Variants in RCBTB1 observed in about 807,000 individuals in gnomAD.
RCBTB1 encodes the protein RCC1 and BTB domain-containing protein 1.
RCBTB1 carries 46 observed loss-of-function variants against 62.4 expected under a neutral mutation model. The ratio of observed to expected loss-of-function variants is 0.74; its 90% CI spans 0.58 to 0.94. RCBTB1 has a LOEUF of 0.94. Ranked by LOEUF, RCBTB1 falls within the 40% of genes least tolerant of loss-of-function variation. The pLI is 0.00. For missense variants in RCBTB1, 565 were observed against 654.9 expected (o/e 0.86, Z 1.50); for synonymous variants, 222 against 245.8 (o/e 0.90, Z 0.91).
chr13:49,544,588 A>AC (rs933155846), intron 10 of RCBTB1, 149 bp downstream of exon 10: 1 of 562,566 alleles, frequency 1.8e-6, no homozygotes, highest in Non-Finnish European at 3.0e-6. Flanking sequence ...AAACTCTTTG[A>AC]CATGAAATGG....
chr13:49,553,641 T>C (rs1961584690), intron 6 of RCBTB1, among the ~76,000 whole-genome samples: 1 of 152,100 alleles, frequency 6.6e-6, no homozygotes, highest in South Asian at 2.1e-4. Context: ...AAACCCAAGA[T>C]TTGTGGTGGC....
intron 2 of RCBTB1, among the ~76,000 whole-genome samples, chr13:49,580,300 G>C (rs1246821981): frequency 6.6e-6 from 1 of 152,174 alleles, no homozygotes; most frequent in Admixed American, 6.5e-5. Flanking sequence ...GAAATGGATA[G>C]ATGGCTGGGT....
intron 2 of RCBTB1, among the ~76,000 whole-genome samples, chr13:49,571,390 C>CAAA (rs1963391287): frequency 6.6e-6 from 1 of 152,150 alleles, no homozygotes; most frequent in Non-Finnish European, 1.5e-5. Context: ...AAGCATTCCG[C>CAAA]AAAATGCTTC....
intron 5 of RCBTB1, among the ~76,000 whole-genome samples, chr13:49,557,976 T>C (rs1962078498): frequency 6.6e-6 from 1 of 152,138 alleles, no homozygotes; most frequent in African/African-American, 2.4e-5. Context: ...CAAACATCCA[T>C]GAACAGATGA....
chr13:49,541,876 A>G (rs1960390903), intron 10 of RCBTB1, 49 bp from the exon 11 acceptor site: 1 of 1,542,992 alleles, frequency 6.5e-7, no homozygotes, highest in Admixed American at 2.1e-5. Context: ...AATTTTTAAA[A>G]AAGAAAAAAA....
intron 8 of RCBTB1, among the ~76,000 whole-genome samples, chr13:49,550,789 C>T (rs981618186): frequency 1.3e-5 from 2 of 152,108 alleles, no homozygotes; most frequent in African/African-American, 4.8e-5. Flanking sequence ...CATGTTCATT[C>T]TGGCTACTAC....
In RCBTB1 at chr13:49,549,513, G is replaced by A. The variant is rs3751383; in HGVS notation, c.990C>T (p.Asp330=). The change falls in exon 9 of 13, where the codon GAC becomes GAT. Residue 330 remains aspartate, a synonymous_variant. Transcript: ENST00000378302. ...LPHLTHFSCT[D]DVFACFATPA... is the part of the protein sequence containing the mutation. ...GAGTGGCAAAGCAGGCAAACACGTC[G>A]TCGGTGCAGGAGAAGTGGGTGAGGT... The A allele has an allele frequency of 0.18, 282,412 of 1,612,872 alleles. 29,632 individuals are homozygous for A. The highest frequency in any genetic ancestry group is 0.44 in the African/African-American group (33,059 of 74,744).
chr13:49,551,576 G>C (rs1961345915), intron 7 of RCBTB1, 108 bp from the exon 8 acceptor site: 2 of 1,225,896 alleles, frequency 1.6e-6, no homozygotes, highest in East Asian at 4.9e-5. Context: ...ATCATCATCA[G>C]GGGTGGACTG....
At chr13:49,559,449 G>A (rs939639809) in intron 5 of RCBTB1, among the ~76,000 whole-genome samples, 8 of 152,142 alleles carry the variant, frequency 5.3e-5, no homozygotes, top group Non-Finnish European at 8.8e-5. Context: ...GAGGTCAGGA[G>A]ATCGAGACCA....
intron 9 of RCBTB1, among the ~76,000 whole-genome samples, chr13:49,547,436 C>T (rs28410026): frequency 7.0e-4 from 106 of 152,278 alleles, no homozygotes; most frequent in African/African-American, 2.6e-3. Context: ...TTTTCAAGCA[C>T]AGAGCATCAT....
At chr13:49,534,310 T>G in intron 12 of RCBTB1, 48 bp from the exon 13 acceptor site, 1 of 1,576,588 alleles carries the variant, frequency 6.3e-7, no homozygotes, top group Non-Finnish European at 8.7e-7. Flanking sequence ...TTTAGGCAAC[T>G]TTGATTGAAT....
At position 49,538,758 on chromosome 13, in the gene RCBTB1, T is replaced by TACAC. The variant is rs10640169; in HGVS notation, c.1455+2114_1455+2117dup. ...CATACAAATTATGAATATATATATA[T>TACAC]ACACACACACACACATATATATATA... On this transcript the variant is annotated intron_variant, in intron 12 of 12. Coordinates refer to ENST00000378302, the MANE Select transcript of RCBTB1 (RefSeq NM_018191.4). Among the ~76,000 whole-genome samples the TACAC allele has an allele frequency of 1.1e-3, 163 of 150,182 alleles. 1 individual carries two copies. Among genetic ancestry groups the TACAC allele is most frequent in the South Asian group, 1.9e-3 (9 of 4,756 alleles).
At chr13:49,554,057 G>C (rs1961632425) in intron 6 of RCBTB1, among the ~76,000 whole-genome samples, 1 of 152,188 alleles carries the variant, frequency 6.6e-6, no homozygotes, top group East Asian at 1.9e-4. Flanking sequence ...ATGATGGAAA[G>C]CCGCATAAAT....
In RCBTB1 at chr13:49,549,612, C is replaced by A. The variant is rs147327509; in HGVS notation, c.891G>T (p.Thr297=). 6.2e-7 allele frequency: 1 copy of A among 1,613,492 alleles called. No homozygotes were observed. The highest frequency in any genetic ancestry group is 8.5e-7 in the Non-Finnish European group (1 of 1,179,656). ...GCCCACCCTGCGTCTTGGCTGCAGA[C>A]GTGTGGGCAGAGTGACAGGCTGCAA... ...VEIAACHSAH[T]SAAKTQGGHV... is the part of the protein sequence containing the mutation. Residue 297 remains threonine, a synonymous_variant, in exon 9 of 13, where the codon ACG becomes ACT. Coordinates refer to ENST00000378302, the MANE Select transcript of RCBTB1 (RefSeq NM_018191.4).
chr13:49,565,092 C>G (rs544370892), intron 4 of RCBTB1, among the ~76,000 whole-genome samples: 14 of 152,300 alleles, frequency 9.2e-5, no homozygotes, highest in African/African-American at 3.4e-4. Flanking sequence ...CTGCTGCCAT[C>G]TCGGCTCACT....
At chr13:49,569,335 A>G (rs1468522079) in intron 2 of RCBTB1, among the ~76,000 whole-genome samples, 1 of 152,208 alleles carries the variant, frequency 6.6e-6, no homozygotes, top group Non-Finnish European at 1.5e-5. Flanking sequence ...GCACTATGGG[A>G]GCCCAAGCCG....
rs142805271 is a variant in RCBTB1 at position 49,567,465 on chromosome 13, C to T, written c.-41-145G>A. 631 of 610,952 alleles carry T rather than the reference C, an allele frequency of 1.0e-3. 5 individuals carry two copies. The African/African-American group carries it at 0.011, about 10-fold the overall frequency. The allele number at this position is 610,952 out of a possible 1,614,324, so 37.8% of individuals were successfully genotyped here. ...GTTACATGGATCACTCACTTTCCCC[C>T]AGCCATGTGTGCAATCCCTCCTCCA... On this transcript the variant is annotated intron_variant, in intron 2 of 12. Coordinates refer to ENST00000378302, the MANE Select transcript of RCBTB1 (RefSeq NM_018191.4).
chr13:49,541,738 T>A lies in RCBTB1; in HGVS notation c.1262A>T (p.Tyr421Phe), dbSNP rs146955596. The A allele has an allele frequency of 8.9e-5, 143 of 1,614,138 alleles. No individual in the cohort carries two copies. The highest frequency in any genetic ancestry group is 5.7e-4 in the Admixed American group (34 of 60,012). ...GTAGAGGTACTGGAGAAAGGCACGA[T>A]ACACTGGGTAAGAAAACTGATCGAT... is the stretch of plus-strand genomic sequence containing the variant. The part of the protein sequence containing the change: ...IEIDQFSYPV[Y>F]RAFLQYLYTD... The change falls in exon 11 of 13, where the codon TAT (tyrosine) becomes TTT (phenylalanine). Residue 421 changes from tyrosine (Y) to phenylalanine (F), a missense_variant. Tyr to Phe is a conservative substitution (Grantham distance 22, BLOSUM62 3). Coordinates refer to ENST00000378302, the MANE Select transcript of RCBTB1 (RefSeq NM_018191.4).
rs115834972 is a variant in RCBTB1 at position 49,584,099 on chromosome 13, T to C, written c.-122+1345A>G. On this transcript the variant is annotated intron_variant, in intron 1 of 12. Coordinates refer to ENST00000378302, the MANE Select transcript of RCBTB1 (RefSeq NM_018191.4). ...TTTCAGACTTCCCAGCTCCCGTATATTAGGTGGAGCCAAGTTCTTGCTGCA... is the reference window on the plus strand; with the variant it reads ...TTTCAGACTTCCCAGCTCCCGTATACTAGGTGGAGCCAAGTTCTTGCTGCA... 1.0e-2 allele frequency among the ~76,000 whole-genome samples: 1,518 copies of C among 152,330 alleles called. 21 individuals are homozygous for C. The highest frequency in any genetic ancestry group is 0.035 in the African/African-American group (1,435 of 41,570).
Sources: gnomAD v4.1 joint callset for allele counts (sites outside exome capture counted in the v4.1 genomes callset) on GRCh38, gnomAD v4.1.1 for gene constraint, MANE v1.5 for transcripts, NCBI Gene and HGNC (gene_info 2026-07-23, HGNC 2026-07-21) for gene names.